The following ERBB4 variants were observed in gnomAD, a reference collection of about 807,000 sequenced individuals.
The protein encoded by ERBB4 is erb-b2 receptor tyrosine kinase 4, also known as receptor tyrosine-protein kinase erbB-4.
ERBB4 carries 42 observed loss-of-function variants against 158.0 expected under a neutral mutation model. That is an observed-to-expected ratio of 0.27 (90% confidence interval 0.21 to 0.34). ERBB4 has a LOEUF of 0.34. ERBB4 is among the 10% of genes least tolerant of loss of function. The pLI, the probability that ERBB4 is intolerant of heterozygous loss-of-function variation, is 1.00. For synonymous variants in ERBB4, 583 were observed against 558.7 expected, an observed-to-expected ratio of 1.04 and a Z score of -0.61; for missense variants, 1,333 against 1,624.1, an observed-to-expected ratio of 0.82 and a Z score of 3.08.
chr2:211,990,607 C>T (rs1259800384), intron 2 of ERBB4, among the ~76,000 whole-genome samples: 4 of 151,894 alleles, frequency 2.6e-5, no homozygotes, highest in Middle Eastern at 3.4e-3. Flanking sequence ...TCTAGCAAGT[C>T]GTTAAATTTA....
intron 2 of ERBB4, among the ~76,000 whole-genome samples, chr2:212,113,893 G>A (rs924536752): frequency 5.1e-4 from 77 of 152,194 alleles, no homozygotes; most frequent in African/African-American, 1.8e-3. Context: ...ACTATAAAGA[G>A]GAACTTCAGT....
At chr2:212,428,189 C>T (rs774274844) in intron 1 of ERBB4, among the ~76,000 whole-genome samples, 4 of 152,048 alleles carry the variant, frequency 2.6e-5, no homozygotes, top group Non-Finnish European at 5.9e-5. Context: ...ATTTTATATA[C>T]AGGAAATGAT....
intron 4 of ERBB4, chr2:211,778,539 G>C (rs1416315108): frequency 1.3e-5 from 2 of 152,080 alleles, no homozygotes; most frequent in East Asian, 3.9e-4. Context: ...CACCCGATAT[G>C]GCATTCCCCC....
At chr2:212,417,071 C>T (rs1312379122) in intron 1 of ERBB4, among the ~76,000 whole-genome samples, 2 of 151,948 alleles carry the variant, frequency 1.3e-5, no homozygotes, top group Admixed American at 6.6e-5. Flanking sequence ...GAAAAATTAG[C>T]GTTCAAGATA....
chr2:212,243,063 G>A (rs578017742), intron 1 of ERBB4, among the ~76,000 whole-genome samples: 1 of 152,196 alleles, frequency 6.6e-6, no homozygotes, highest in African/African-American at 2.4e-5. Context: ...TTTATTCCTA[G>A]AGAGCTCAAG....
intron 20 of ERBB4, among the ~76,000 whole-genome samples, chr2:211,472,130 A>C (rs1043292181): frequency 1.3e-5 from 2 of 152,050 alleles, no homozygotes; most frequent in Non-Finnish European, 2.9e-5. Flanking sequence ...TTCAGGCTAG[A>C]GGTAGACAGA....
intron 3 of ERBB4, among the ~76,000 whole-genome samples, chr2:211,835,870 C>T (rs563553351): frequency 2.4e-4 from 36 of 151,884 alleles, no homozygotes; most frequent in Non-Finnish European, 4.9e-4. Flanking sequence ...ACCTGACCTA[C>T]GAGAAATGTG....
chr2:212,115,736 T>C (rs1044177963), intron 2 of ERBB4, among the ~76,000 whole-genome samples: 2 of 152,184 alleles, frequency 1.3e-5, no homozygotes, highest in African/African-American at 4.8e-5. Context: ...CTCAAACTCC[T>C]GGGCTCAAGC....
chr2:211,896,073 T>C (rs2079090044), intron 3 of ERBB4, among the ~76,000 whole-genome samples: 1 of 152,148 alleles, frequency 6.6e-6, no homozygotes, highest in African/African-American at 2.4e-5. Context: ...CTACCTATAC[T>C]TCCTACCCAG....
At chr2:211,587,307 A>G (rs2068312985) in intron 19 of ERBB4, among the ~76,000 whole-genome samples, 1 of 152,142 alleles carries the variant, frequency 6.6e-6, no homozygotes, top group Non-Finnish European at 1.5e-5. Flanking sequence ...GTGAGCCAAG[A>G]TCACGCCACT....
chr2:212,071,625 ATATT>A (rs2078120755), intron 2 of ERBB4, among the ~76,000 whole-genome samples: 1 of 152,010 alleles, frequency 6.6e-6, no homozygotes, highest in South Asian at 2.1e-4. Context: ...TTCAATCAAA[ATATT>A]TATTCACGAG....
intron 20 of ERBB4, among the ~76,000 whole-genome samples, chr2:211,492,810 T>C (rs1272578132): frequency 1.3e-5 from 2 of 152,130 alleles, no homozygotes; most frequent in Non-Finnish European, 2.9e-5. Context: ...AAAATCAAGC[T>C]GTTCTAATCA....
chr2:211,631,056 C>T (rs531481396), intron 16 of ERBB4, among the ~76,000 whole-genome samples: 1 of 152,220 alleles, frequency 6.6e-6, no homozygotes, highest in Middle Eastern at 3.4e-3. Context: ...ACATTTGAGG[C>T]TGAATACCAG....
chr2:212,316,557 G>T (rs932129401), intron 1 of ERBB4, among the ~76,000 whole-genome samples: 1 of 151,456 alleles, frequency 6.6e-6, no homozygotes, highest in Non-Finnish European at 1.5e-5. Context: ...AACCCCAAAT[G>T]ATCCAGTGTA....
chr2:212,526,264 T>C (rs2106328784), intron 1 of ERBB4, among the ~76,000 whole-genome samples: 1 of 152,142 alleles, frequency 6.6e-6, no homozygotes, highest in South Asian at 2.1e-4. Flanking sequence ...GCCATTCTAT[T>C]TGTCTTATCT....
At chr2:211,490,612 T>C (rs1404558045) in intron 20 of ERBB4, among the ~76,000 whole-genome samples, 2 of 151,980 alleles carry the variant, frequency 1.3e-5, no homozygotes, top group Admixed American at 1.3e-4. Flanking sequence ...AGGTGAAGCA[T>C]TGGGCCCAGG....
intron 3 of ERBB4, among the ~76,000 whole-genome samples, chr2:211,900,877 T>C (rs2125031022): frequency 6.6e-6 from 1 of 152,278 alleles, no homozygotes; most frequent in East Asian, 1.9e-4. Flanking sequence ...ATTTTCTATT[T>C]TCCTGAGCAA....
chr2:211,428,394 G>C lies in ERBB4; in HGVS notation c.2719+14C>G, dbSNP rs74568702. Reference sequence around the variant, plus strand: ...TGCTTTACAAGCTTTAATTCGCAAAGAAGATTTATTTACCATAGCTCCAAA... The same window carrying C: ...TGCTTTACAAGCTTTAATTCGCAAACAAGATTTATTTACCATAGCTCCAAA... On this transcript the variant is annotated intron_variant, in intron 22 of 27. Transcript: ENST00000342788. 6 of 1,483,132 alleles carry C rather than the reference G, an allele frequency of 4.0e-6. No homozygotes were observed. In the African/African-American group the frequency reaches 5.5e-5, roughly 14 times the overall value. 91.9% of individuals were successfully genotyped at this position (1,483,132 alleles called of 1,614,324 possible).
chr2:212,198,588 G>C (rs893084334), intron 1 of ERBB4, among the ~76,000 whole-genome samples: 1 of 151,874 alleles, frequency 6.6e-6, no homozygotes, highest in Non-Finnish European at 1.5e-5. Flanking sequence ...CATATATATA[G>C]TTTTTAGCTG....
Sources: allele counts gnomAD v4.1 joint callset (sites outside exome capture counted in the v4.1 genomes callset), GRCh38; gene constraint gnomAD v4.1.1; transcripts MANE v1.5; gene names NCBI Gene and HGNC (gene_info 2026-07-23, HGNC 2026-07-21).